SEL1L3: variants seen among roughly 807,000 people sequenced by gnomAD.
SEL1L3 encodes SEL1L family member 3.
SEL1L3 carries 76 observed loss-of-function variants against 142.8 expected under a neutral mutation model. The ratio of observed to expected loss-of-function variants is 0.53; its 90% CI spans 0.44 to 0.64. The LOEUF (loss-of-function observed/expected upper bound fraction) is 0.64, where lower values mean the gene tolerates loss of function less well. Among genes scored for constraint, SEL1L3 ranks in the 30% least tolerant of loss-of-function variants. The pLI, the probability that SEL1L3 is intolerant of heterozygous loss-of-function variation, is 0.00. For missense variants in SEL1L3, 1,262 were observed against 1,381.7 expected (o/e 0.91, Z 1.37); for synonymous variants, 504 against 519.6 (o/e 0.97, Z 0.41).
intron 21 of SEL1L3, among the ~76,000 whole-genome samples, chr4:25,758,212 C>T (rs1475885117): frequency 5.3e-5 from 8 of 152,116 alleles, no homozygotes; most frequent in Admixed American, 5.2e-4. Flanking sequence ...GGCTCACACC[C>T]GTAATCCCAG....
At chr4:25,834,603 C>G (rs1715668676) in intron 3 of SEL1L3, among the ~76,000 whole-genome samples, 1 of 152,158 alleles carries the variant, frequency 6.6e-6, no homozygotes, top group Admixed American at 6.5e-5. Context: ...GCTGAGCAAG[C>G]TCATGAAGAT....
the SEL1L3 span, among the ~76,000 whole-genome samples, chr4:25,728,232 C>T: frequency 2.8e-4 from 43 of 152,274 alleles, 1 homozygote; most frequent in African/African-American, 1.0e-3. Flanking sequence ...ATCAGATGGC[C>T]ACTTTCAGTT....
chr4:25,800,141 A>G (rs1202595592), intron 11 of SEL1L3, among the ~76,000 whole-genome samples: 1 of 152,246 alleles, frequency 6.6e-6, no homozygotes, highest in Non-Finnish European at 1.5e-5. Flanking sequence ...GAGAGAATGA[A>G]ACAAGAATCA....
intron 9 of SEL1L3, among the ~76,000 whole-genome samples, chr4:25,808,268 TTTTC>T (rs1560318205): frequency 1.3e-5 from 2 of 152,218 alleles, no homozygotes; most frequent in Admixed American, 6.5e-5. Context: ...CATTTTCCCA[TTTTC>T]TTTCTTTCAG....
intron 20 of SEL1L3, among the ~76,000 whole-genome samples, chr4:25,761,204 T>C (rs963693943): frequency 6.6e-6 from 1 of 152,174 alleles, no homozygotes; most frequent in African/African-American, 2.4e-5. Flanking sequence ...TTTGTTTTGT[T>C]GAGTGCAATG....
chr4:25,722,623 G>GATTTTTTTTTTTTTTTTTT, the SEL1L3 span, among the ~76,000 whole-genome samples: 1 of 125,124 alleles, frequency 8.0e-6, no homozygotes. Context: ...TCCAAAGGAG[G>GATTTTTTTTTTTTTTTTTT]CTTTTTTTTT....
chr4:25,766,439 CA>C (rs35486393), intron 19 of SEL1L3, among the ~76,000 whole-genome samples: 26,013 of 93,414 alleles, frequency 0.28, 2,070 homozygotes, highest in Middle Eastern at 0.42. Flanking sequence ...GACTCCATCT[CA>C]AAAAAAAAAA....
At chr4:25,856,643 A>G (rs2109324360) in intron 1 of SEL1L3, among the ~76,000 whole-genome samples, 1 of 152,026 alleles carries the variant, frequency 6.6e-6, no homozygotes, top group South Asian at 2.1e-4. Flanking sequence ...ATGTGTGTTC[A>G]TGATAGAAGA....
intron 17 of SEL1L3, among the ~76,000 whole-genome samples, chr4:25,775,788 T>C (rs1719571276): frequency 1.3e-5 from 2 of 152,216 alleles, no homozygotes; most frequent in Admixed American, 1.3e-4. Flanking sequence ...CATTGGATAC[T>C]GGACTTCCAA....
intron 1 of SEL1L3, among the ~76,000 whole-genome samples, chr4:25,860,384 A>C (rs1279414114): frequency 6.6e-6 from 1 of 152,140 alleles, no homozygotes; most frequent in East Asian, 1.9e-4. Context: ...GCATTCCTTG[A>C]TTGAGCAAAA....
chr4:25,731,953 A>T, the SEL1L3 span, among the ~76,000 whole-genome samples: 7 of 152,238 alleles, frequency 4.6e-5, no homozygotes, highest in Admixed American at 4.6e-4. Flanking sequence ...GCGTGTCTGT[A>T]ATCCCAGCTT....
chr4:25,787,075 T>C (rs1711897151), intron 13 of SEL1L3, among the ~76,000 whole-genome samples: 1 of 152,210 alleles, frequency 6.6e-6, no homozygotes, highest in Non-Finnish European at 1.5e-5. Flanking sequence ...TGAATTGATG[T>C]CTCTGTATTT....
chr4:25,744,126 G>A (rs1293914544), downstream of SEL1L3, among the ~76,000 whole-genome samples: 1 of 152,112 alleles, frequency 6.6e-6, no homozygotes, highest in East Asian at 1.9e-4. Context: ...ATTTGGAGCT[G>A]AGCAGACCAG....
intron 23 of SEL1L3, among the ~76,000 whole-genome samples, chr4:25,751,052 C>T (rs565264933): frequency 6.6e-6 from 1 of 152,272 alleles, no homozygotes; most frequent in Admixed American, 6.5e-5. Flanking sequence ...CTTCTATTTT[C>T]CACTTCTGTT....
chr4:25,767,836 A>G lies in SEL1L3; in HGVS notation c.2670-6T>C, dbSNP rs1299711977. ...AATACAGCAAAGCTTCATGCCTAAA[A>G]ATAGATGATTAATAATAAATTTCAT... is the stretch of plus-strand genomic sequence containing the variant. On this transcript the variant is annotated splice_polypyrimidine_tract_variant and splice_region_variant and intron_variant, in intron 17 of 23. Coordinates refer to ENST00000399878, the MANE Select transcript of SEL1L3 (RefSeq NM_015187.5). 1.3e-6 allele frequency: 2 copies of G among 1,514,386 alleles called. No individual in the cohort carries two copies. Among genetic ancestry groups the G allele is most frequent in the East Asian group, 4.8e-5 (2 of 41,314 alleles). The allele number at this position is 1,514,386 out of a possible 1,614,324, so 93.8% of individuals were successfully genotyped here.
intron 1 of SEL1L3, among the ~76,000 whole-genome samples, chr4:25,859,247 C>G (rs1046502044): frequency 7.2e-5 from 11 of 152,214 alleles, no homozygotes; most frequent in Non-Finnish European, 1.6e-4. Flanking sequence ...ATTTCATTAT[C>G]TTTTGCTTTC....
chr4:25,792,350 T>A (rs898441527), intron 11 of SEL1L3, among the ~76,000 whole-genome samples: 2 of 152,204 alleles, frequency 1.3e-5, no homozygotes, highest in African/African-American at 4.8e-5. Flanking sequence ...TTGGCTTGAC[T>A]CCAAAGACAC....
intron 9 of SEL1L3, among the ~76,000 whole-genome samples, chr4:25,811,124 A>C (rs547004782): frequency 1.3e-5 from 2 of 152,324 alleles, no homozygotes; most frequent in South Asian, 4.1e-4. Context: ...GGATGCACCC[A>C]GTACATGGGT....
chr4:25,714,266 G>C, the SEL1L3 span, among the ~76,000 whole-genome samples: 1 of 152,146 alleles, frequency 6.6e-6, no homozygotes, highest in South Asian at 2.1e-4. Flanking sequence ...ACCTTGCGAA[G>C]ATGATCATTT....
Sources: gnomAD v4.1 joint callset for allele counts (sites outside exome capture counted in the v4.1 genomes callset) on GRCh38, gnomAD v4.1.1 for gene constraint, MANE v1.5 for transcripts, NCBI Gene and HGNC (gene_info 2026-07-23, HGNC 2026-07-21) for gene names.